PCDH9: variants seen among roughly 807,000 people sequenced by gnomAD.
PCDH9 encodes protocadherin-9.
In PCDH9, 24 loss-of-function variants were observed where a neutral mutation model predicts 70.6. The ratio of observed to expected loss-of-function variants is 0.34; its 90% confidence interval spans 0.25 to 0.48. The LOEUF is 0.48. Ranked by LOEUF, PCDH9 falls within the 20% of genes least tolerant of loss-of-function variation. The probability of loss-of-function intolerance (pLI) is 0.99; values close to 1 mark genes in which losing one functional copy is unlikely to be tolerated. For missense variants in PCDH9, 1,281 were observed against 1,503.6 expected (o/e 0.85, Z 2.45); for synonymous variants, 562 against 558.5 (o/e 1.01, Z -0.09).
chr13:67,017,504 T>C (rs1436658035), intron 2 of PCDH9, among the ~76,000 whole-genome samples: 1 of 151,990 alleles, frequency 6.6e-6, no homozygotes, highest in Non-Finnish European at 1.5e-5. Flanking sequence ...GGAAAAGGAG[T>C]GGTACCCACC....
intron 2 of PCDH9, among the ~76,000 whole-genome samples, chr13:66,955,707 T>C (rs990737842): frequency 6.6e-6 from 1 of 152,182 alleles, no homozygotes; most frequent in Non-Finnish European, 1.5e-5. Context: ...AAGTATTCTA[T>C]AACTTAGAAA....
chr13:66,525,571 A>T (rs1307527351), intron 4 of PCDH9, among the ~76,000 whole-genome samples: 4 of 152,146 alleles, frequency 2.6e-5, no homozygotes. Flanking sequence ...CAAAACAAGC[A>T]AACAAACAAC....
At chr13:66,591,226 T>C (rs1473045377) in intron 4 of PCDH9, among the ~76,000 whole-genome samples, 2 of 151,770 alleles carry the variant, frequency 1.3e-5, no homozygotes, top group Non-Finnish European at 3.0e-5. Flanking sequence ...ACCTAGTTTA[T>C]TGTTTTGCAC....
At chr13:67,157,689 T>A (rs1040592531) in intron 2 of PCDH9, among the ~76,000 whole-genome samples, 1 of 152,188 alleles carries the variant, frequency 6.6e-6, no homozygotes, top group South Asian at 2.1e-4. Flanking sequence ...TACATGTGAG[T>A]AAGCAAAATA....
intron 3 of PCDH9, among the ~76,000 whole-genome samples, chr13:66,652,461 T>C (rs899784922): frequency 6.6e-6 from 1 of 151,796 alleles, no homozygotes; most frequent in Non-Finnish European, 1.5e-5. Context: ...CTGTAAAACA[T>C]TGATAAAAGA....
chr13:66,938,845 C>G (rs868690970), intron 2 of PCDH9, among the ~76,000 whole-genome samples: 6 of 152,132 alleles, frequency 3.9e-5, no homozygotes, highest in Middle Eastern at 6.8e-3. Context: ...ATATGTAGAT[C>G]ATTTTAAAAG....
chr13:67,221,790 C>T (rs985223225), intron 2 of PCDH9: 10 of 152,060 alleles, frequency 6.6e-5, no homozygotes, highest in African/African-American at 2.4e-4. Context: ...ACTGTAAAGC[C>T]TCCAGCTACA....
intron 2 of PCDH9, among the ~76,000 whole-genome samples, chr13:67,018,886 G>A (rs553557610): frequency 2.6e-5 from 4 of 151,992 alleles, no homozygotes; most frequent in African/African-American, 9.7e-5. Flanking sequence ...TACAATTCTA[G>A]CTTAACTTAT....
chr13:66,593,626 T>C (rs2077064862), intron 4 of PCDH9, among the ~76,000 whole-genome samples: 2 of 151,728 alleles, frequency 1.3e-5, no homozygotes. Flanking sequence ...AGCCAGAAAA[T>C]CTATTTCTCC....
chr13:66,573,111 G>C (rs748607940), intron 4 of PCDH9, among the ~76,000 whole-genome samples: 14 of 151,928 alleles, frequency 9.2e-5, no homozygotes, highest in Non-Finnish European at 1.6e-4. Context: ...TTATCTTTTT[G>C]ATGGTAGTCA....
chr13:66,534,623 G>A (rs986538336), intron 4 of PCDH9, among the ~76,000 whole-genome samples: 1 of 152,070 alleles, frequency 6.6e-6, no homozygotes, highest in Non-Finnish European at 1.5e-5. Flanking sequence ...CAAACATTCA[G>A]TTCACAGCAG....
intron 4 of PCDH9, among the ~76,000 whole-genome samples, chr13:66,622,407 G>T (rs553500500): frequency 1.3e-5 from 2 of 152,298 alleles, no homozygotes; most frequent in South Asian, 2.1e-4. Flanking sequence ...AGCTAGCTGG[G>T]CTTCTGAGTC....
chr13:67,165,528 G>A (rs902293278), intron 2 of PCDH9, among the ~76,000 whole-genome samples: 5 of 151,862 alleles, frequency 3.3e-5, no homozygotes, highest in African/African-American at 1.2e-4. Context: ...TTTATAAGTG[G>A]TCAAGACTGT....
At chr13:67,122,792 A>G (rs2086902638) in intron 2 of PCDH9, among the ~76,000 whole-genome samples, 1 of 149,906 alleles carries the variant, frequency 6.7e-6, no homozygotes, top group Non-Finnish European at 1.5e-5. Flanking sequence ...AATAATAATA[A>G]TAATAATAAT....
intron 2 of PCDH9, among the ~76,000 whole-genome samples, chr13:67,196,280 C>T (rs956713821): frequency 3.3e-5 from 5 of 151,722 alleles, no homozygotes; most frequent in East Asian, 3.9e-4. Flanking sequence ...ATGAATTAGC[C>T]GAAAACTAAA....
At chr13:67,139,183 C>T (rs948996534) in intron 2 of PCDH9, among the ~76,000 whole-genome samples, 2 of 152,176 alleles carry the variant, frequency 1.3e-5, no homozygotes, top group Non-Finnish European at 1.5e-5. Context: ...ACATAACCAT[C>T]TGAAACATTA....
chr13:66,360,976 T>C lies in PCDH9; in HGVS notation c.3341-55948A>G, dbSNP rs535649365. On this transcript the variant is annotated intron_variant, in intron 4 of 4. Transcript: ENST00000377865. The stretch of plus-strand genomic sequence containing the variant: ...ATGGAAAACCATTGAGAACAGTGGG[T>C]CACTGAGAGCAAATGAAGTGGGGTG... Among the ~76,000 whole-genome samples, 4 of 152,206 alleles carry C rather than the reference T, an allele frequency of 2.6e-5. No individual in the cohort carries two copies. The South Asian group carries it at 8.3e-4, about 32-fold the overall frequency.
Position 66,378,374 on chromosome 13 carries a change from A to G in PCDH9, c.3341-73346T>C, listed in dbSNP as rs565183781. 2.0e-5 allele frequency among the ~76,000 whole-genome samples: 3 copies of G among 152,284 alleles called. No homozygotes were observed. The South Asian group carries it at 6.2e-4, about 32-fold the overall frequency. On this transcript the variant is annotated intron_variant, in intron 4 of 4. Transcript: ENST00000377865. ...GGTAAGTGCTTTTTTTTTGTATCCA[A>G]AGATATACTCTCTGTAAAACAGTCC...
rs140653679 is a variant in PCDH9, at chr13:67,226,487, G to T, written c.1954C>A (p.Gln652Lys). The T allele has an allele frequency of 8.1e-6, 13 of 1,613,986 alleles. No individual in the cohort carries two copies. The highest frequency in any genetic ancestry group is 2.2e-5 in the East Asian group (1 of 44,858). Reference protein sequence around the residue: ...TFDVKATDGGQPPRSSTAKVT... With the variant: ...TFDVKATDGGKPPRSSTAKVT... ...TTTGCAGTAGAGGAACGAGGTGGTT[G>T]TCCTCCATCAGTGGCTTTGACATCA... The change falls in exon 2 of 5, where the codon CAA becomes AAA. Residue 652 changes from glutamine to lysine, a missense_variant. Gln to Lys is a moderately conservative substitution (Grantham distance 53, BLOSUM62 1). This residue lies in a region of PCDH9 where 798 missense variants were observed against 1,003.1 expected (regional missense o/e 0.80). Coordinates refer to ENST00000377865, the MANE Select transcript of PCDH9 (RefSeq NM_203487.3). This position sits in a 1 kb window ranked among gnomAD's most constrained non-coding sequence, Gnocchi z 5.0.
Sources: allele counts gnomAD v4.1 joint callset (sites outside exome capture counted in the v4.1 genomes callset), GRCh38; gene constraint gnomAD v4.1.1; regional missense constraint gnomAD v4.1.1; non-coding constraint Gnocchi (gnomAD v3.1); transcripts MANE v1.5; gene names NCBI Gene and HGNC (gene_info 2026-07-23, HGNC 2026-07-21).